Variants in CADM1 observed in about 807,000 individuals in gnomAD.
The protein encoded by CADM1 is cell adhesion molecule 1.
CADM1 carries 15 observed loss-of-function variants against 53.1 expected under a neutral mutation model. The ratio of observed to expected loss-of-function variants is 0.28; its 90% CI spans 0.19 to 0.44. The LOEUF (loss-of-function observed/expected upper bound fraction) is 0.44. CADM1 is among the 20% of genes least tolerant of loss of function. The pLI, the probability that CADM1 is intolerant of heterozygous loss-of-function variation, is 1.00. For synonymous variants in CADM1, 281 were observed against 243.0 expected (o/e 1.16, Z -1.45); for missense variants, 434 against 611.3 (o/e 0.71, Z 3.06).
Position 115,232,491 on chromosome 11 carries a change from C to T in CADM1, c.425-1001G>A, listed in dbSNP as rs534090388. Among the ~76,000 whole-genome samples the T allele has an allele frequency of 3.7e-4, 56 of 152,222 alleles. 2 individuals carry two copies. The highest frequency in any genetic ancestry group is 2.1e-4 in the South Asian group (1 of 4,822). The stretch of plus-strand genomic sequence containing the variant: ...GTGCTCCAATTTTGGAAACCAAAGA[C>T]GAAAGAGACTCTTAAGTGCTTATAA... On this transcript the variant is annotated intron_variant, in intron 3 of 11. Coordinates refer to ENST00000331581, the MANE Select transcript of CADM1 (RefSeq NM_001301043.2).
chr11:115,450,799 A>C (rs570045271), intron 1 of CADM1, among the ~76,000 whole-genome samples: 10 of 152,322 alleles, frequency 6.6e-5, no homozygotes, highest in African/African-American at 2.4e-4. Flanking sequence ...TTTCTCAAAT[A>C]ACGATCATCT....
At chr11:115,263,670 C>T (rs1943041339) in intron 1 of CADM1, among the ~76,000 whole-genome samples, 1 of 151,962 alleles carries the variant, frequency 6.6e-6, no homozygotes, top group Non-Finnish European at 1.5e-5. Flanking sequence ...TATTTTTGTT[C>T]AAATTCTTTC....
intron 1 of CADM1, among the ~76,000 whole-genome samples, chr11:115,299,172 A>G (rs1944154956): frequency 6.6e-6 from 1 of 152,210 alleles, no homozygotes; most frequent in Non-Finnish European, 1.5e-5. Flanking sequence ...GTTCACTGCT[A>G]TTGCAGTGCT....
At chr11:115,407,715 A>T (rs2135236563) in intron 1 of CADM1, among the ~76,000 whole-genome samples, 1 of 151,948 alleles carries the variant, frequency 6.6e-6, no homozygotes, top group East Asian at 1.9e-4. Flanking sequence ...CAGATAATTT[A>T]AAAATTAGCT....
At chr11:115,240,791 G>C (rs1942201182) in intron 1 of CADM1, 1 of 281,052 alleles carries the variant, frequency 3.6e-6, no homozygotes, top group Non-Finnish European at 6.9e-6. Context: ...GCCAACTTTA[G>C]CTTACCTGCC....
chr11:115,433,988 A>C (rs1035421194), intron 1 of CADM1, among the ~76,000 whole-genome samples: 14 of 152,198 alleles, frequency 9.2e-5, no homozygotes, highest in African/African-American at 3.4e-4. Flanking sequence ...ACTTCAAATA[A>C]GTAATTTTAA....
chr11:115,195,469 A>G (rs1182159835), intron 9 of CADM1, among the ~76,000 whole-genome samples: 1 of 152,180 alleles, frequency 6.6e-6, no homozygotes, highest in Non-Finnish European at 1.5e-5. Context: ...CAGTATGAAA[A>G]CTTTTAAGAC....
intron 1 of CADM1, among the ~76,000 whole-genome samples, chr11:115,287,014 AAG>A (rs1565344615): frequency 6.6e-6 from 1 of 152,310 alleles, no homozygotes; most frequent in South Asian, 2.1e-4. Context: ...AAATCAATAA[AAG>A]AGAAGTAGTT....
At chr11:115,333,316 C>T (rs907965129) in intron 1 of CADM1, among the ~76,000 whole-genome samples, 41 of 152,228 alleles carry the variant, frequency 2.7e-4, no homozygotes, top group African/African-American at 9.4e-4. Context: ...AGCACAAAAC[C>T]ACTTAAGCTC....
intron 1 of CADM1, among the ~76,000 whole-genome samples, chr11:115,351,144 T>G (rs370381759): frequency 2.3e-3 from 332 of 146,924 alleles, no homozygotes; most frequent in African/African-American, 8.0e-3. Context: ...CAAAAAAAAG[T>G]AAAAGCGAGT....
At chr11:115,435,255 C>T (rs112372433) in intron 1 of CADM1, among the ~76,000 whole-genome samples, 274 of 152,162 alleles carry the variant, frequency 1.8e-3, no homozygotes, top group African/African-American at 6.1e-3. Flanking sequence ...AACAATATGG[C>T]TTAGAAAGCA....
chr11:115,500,687 G>A (rs775180364), intron 1 of CADM1, among the ~76,000 whole-genome samples: 3 of 152,190 alleles, frequency 2.0e-5, no homozygotes, highest in Non-Finnish European at 4.4e-5. Flanking sequence ...ATAGAAAAGT[G>A]ACATCTCTTT....
chr11:115,270,265 C>T (rs568781296), intron 1 of CADM1, among the ~76,000 whole-genome samples: 2 of 152,156 alleles, frequency 1.3e-5, no homozygotes, highest in South Asian at 2.1e-4. Context: ...TTAAGTCTCT[C>T]CTGCAACACA....
intron 6 of CADM1, among the ~76,000 whole-genome samples, chr11:115,216,064 C>T (rs1347445468): frequency 6.6e-6 from 1 of 152,236 alleles, no homozygotes; most frequent in Non-Finnish European, 1.5e-5. Context: ...GCCTGCCTGG[C>T]AATCAGACGT....
At chr11:115,378,408 CAGAT>C (rs1946491940) in intron 1 of CADM1, among the ~76,000 whole-genome samples, 2 of 152,178 alleles carry the variant, frequency 1.3e-5, no homozygotes, top group Admixed American at 1.3e-4. Context: ...CAGAGACTGT[CAGAT>C]AAGAGAATGA....
At chr11:115,291,185 G>A (rs1299710221) in intron 1 of CADM1, among the ~76,000 whole-genome samples, 1 of 152,088 alleles carries the variant, frequency 6.6e-6, no homozygotes, top group Non-Finnish European at 1.5e-5. Flanking sequence ...ATTCTTAACT[G>A]GAGGATGTGT....
intron 1 of CADM1, among the ~76,000 whole-genome samples, chr11:115,473,239 G>A (rs771675509): frequency 6.6e-6 from 1 of 152,176 alleles, no homozygotes; most frequent in Non-Finnish European, 1.5e-5. Context: ...CAGAAGGATC[G>A]CTTGAGGGCA....
intron 1 of CADM1, among the ~76,000 whole-genome samples, chr11:115,372,003 G>A (rs1382053965): frequency 6.6e-6 from 1 of 152,130 alleles, no homozygotes; most frequent in Non-Finnish European, 1.5e-5. Context: ...CCTTGGCAAT[G>A]AGTTCATGTG....
intron 1 of CADM1, among the ~76,000 whole-genome samples, chr11:115,489,242 A>C (rs1046297227): frequency 5.9e-5 from 9 of 152,216 alleles, no homozygotes; most frequent in African/African-American, 2.2e-4. Context: ...ACACACTAGA[A>C]GTCATTCCTT....
Sources: allele counts gnomAD v4.1 joint callset (sites outside exome capture counted in the v4.1 genomes callset), GRCh38; gene constraint gnomAD v4.1.1; transcripts MANE v1.5; gene names NCBI Gene and HGNC (gene_info 2026-07-23, HGNC 2026-07-21).